The following DNAH7 variants were observed in gnomAD, a reference collection of about 807,000 sequenced individuals.
DNAH7 encodes axonemal beta dynein heavy chain 7.
A neutral mutation model predicts 444.6 loss-of-function variants in DNAH7; 397 were observed. The ratio of observed to expected loss-of-function variants is 0.89; its 90% CI spans 0.82 to 0.97. The LOEUF is 0.97. DNAH7 is among the 50% of genes least tolerant of loss of function. The pLI, the probability that DNAH7 is intolerant of heterozygous loss-of-function variation, is 0.00. For synonymous variants in DNAH7, 1,636 were observed against 1,624.4 expected (o/e 1.01, Z -0.17); for missense variants, 4,902 against 4,800.8 (o/e 1.02, Z -0.62).
In DNAH7 at chr2:195,807,134, A is replaced by G. The variant is rs902871298; in HGVS notation, c.10084-302T>C. Among the ~76,000 whole-genome samples the G allele has an allele frequency of 1.1e-4, 17 of 151,952 alleles. No homozygotes were observed. In the East Asian group the frequency reaches 3.3e-3, roughly 29 times the overall value. ...GTGCATATGCTACTATTTTCCCTTT[A>G]TTCCTCCAAACACAGGCATTCTTTT... On this transcript the variant is annotated intron_variant, in intron 53 of 64. Transcript: ENST00000312428.
At chr2:195,974,478 T>G (rs1692051384) in intron 15 of DNAH7, among the ~76,000 whole-genome samples, 1 of 152,150 alleles carries the variant, frequency 6.6e-6, no homozygotes, top group African/African-American at 2.4e-5. Context: ...ATTTGCTAAT[T>G]CTGTCAAAGG....
intron 24 of DNAH7, among the ~76,000 whole-genome samples, 167 bp from the exon 25 acceptor site, chr2:195,910,362 T>C (rs1348778416): frequency 6.6e-6 from 1 of 152,204 alleles, no homozygotes; most frequent in Non-Finnish European, 1.5e-5. Context: ...CATTACTTTG[T>C]CTGTTATTAT....
Position 196,019,127 on chromosome 2 carries a change from C to T in DNAH7, c.869+43G>A, listed in dbSNP as rs142619352. On this transcript the variant is annotated intron_variant, in intron 9 of 64. Coordinates refer to ENST00000312428, the MANE Select transcript of DNAH7 (RefSeq NM_018897.3). Reference sequence around the variant, plus strand: ...TAATTAAGATATAGTAAAACAACTTCCCTCTATATTTTAAAAACCTCTATA... The same window carrying T: ...TAATTAAGATATAGTAAAACAACTTTCCTCTATATTTTAAAAACCTCTATA... 6.8e-3 allele frequency: 9,410 copies of T among 1,380,590 alleles called. 41 individuals are homozygous for T. The highest frequency in any genetic ancestry group is 7.9e-3 in the Non-Finnish European group (8,321 of 1,054,570). 85.5% of individuals were successfully genotyped at this position (1,380,590 alleles called of 1,614,324 possible). A position where few individuals can be genotyped will look rare whatever the true frequency, so the allele number is the denominator to read the frequency against.
At chr2:195,759,631 A>G (rs992788477) in intron 61 of DNAH7, among the ~76,000 whole-genome samples, 4 of 152,014 alleles carry the variant, frequency 2.6e-5, no homozygotes, top group Admixed American at 6.6e-5. Context: ...CCTGGATGGC[A>G]TTTCTGGAAA....
intron 46 of DNAH7, among the ~76,000 whole-genome samples, chr2:195,849,103 T>G (rs1415125647): frequency 6.6e-6 from 1 of 152,226 alleles, no homozygotes; most frequent in Non-Finnish European, 1.5e-5. Context: ...TCAGCATAGA[T>G]TCATCTTTTT....
intron 8 of DNAH7, 33 bp from the exon 9 acceptor site, chr2:196,019,328 C>CA: frequency 4.9e-6 from 7 of 1,427,496 alleles, no homozygotes; most frequent in East Asian, 4.9e-5. Flanking sequence ...GTTACAGTCT[C>CA]AAAAAAAGTA....
At chr2:195,796,277 G>A (rs1696133851) in intron 56 of DNAH7, among the ~76,000 whole-genome samples, 1 of 152,170 alleles carries the variant, frequency 6.6e-6, no homozygotes, top group South Asian at 2.1e-4. Flanking sequence ...GTAAGTTGAT[G>A]TATATCTACC....
rs200568826 is a variant in DNAH7, at chr2:195,858,670, T to C, written c.7871A>G (p.Asp2624Gly). Residue 2624 changes from aspartate to glycine, a missense_variant, in exon 43 of 65, where the codon GAT becomes GGT. Asp to Gly is a moderately conservative substitution (Grantham distance 94). Coordinates refer to ENST00000312428, the MANE Select transcript of DNAH7 (RefSeq NM_018897.3). ...TTTCTCAATCATTATCATCATTTCA[T>C]CAACCTCTTTGCTAGCAACTTTTAA... ...PQLKVASKEV[D>G]EMMIMIEKES... The C allele has an allele frequency of 8.1e-6, 13 of 1,614,102 alleles. No individual in the cohort carries two copies. Among genetic ancestry groups the C allele is most frequent in the Non-Finnish European group, 1.1e-5 (13 of 1,179,960 alleles).
chr2:195,922,384 A>T (rs1574778584), intron 23 of DNAH7, among the ~76,000 whole-genome samples, 187 bp from the exon 24 acceptor site: 1 of 152,110 alleles, frequency 6.6e-6, no homozygotes, highest in African/African-American at 2.4e-5. Flanking sequence ...ACTGGCTTTA[A>T]TTTTTCCCAT....
chr2:195,756,366 C>G (rs944882735), intron 61 of DNAH7, 81 bp from the exon 62 acceptor site: 5 of 1,196,782 alleles, frequency 4.2e-6, no homozygotes, highest in Non-Finnish European at 5.6e-6. Context: ...ATACCTCCTT[C>G]ATGATTATCC....
intron 15 of DNAH7, among the ~76,000 whole-genome samples, chr2:195,973,683 G>A (rs985596141): frequency 1.3e-5 from 2 of 152,096 alleles, no homozygotes; most frequent in Non-Finnish European, 2.9e-5. Flanking sequence ...CGTTGGACAG[G>A]CTGATCTCGA....
At chr2:195,802,736 C>T (rs956059645) in intron 54 of DNAH7, among the ~76,000 whole-genome samples, 18 of 151,832 alleles carry the variant, frequency 1.2e-4, no homozygotes, top group African/African-American at 4.3e-4. Context: ...TTATAGGGTG[C>T]AAGTGCAATT....
chr2:195,794,357 A>C lies in DNAH7; in HGVS notation c.10697T>G (p.Phe3566Cys), dbSNP rs111705343. The change falls in exon 57 of 65, where the codon TTT (phenylalanine) becomes TGT (cysteine). Residue 3566 changes from phenylalanine to cysteine, a missense_variant. By Grantham distance (205) the Phe-to-Cys change is radical. Coordinates refer to ENST00000312428, the MANE Select transcript of DNAH7 (RefSeq NM_018897.3). ...ACTAACAGGCTTTTTGCAGCTGCCA[A>C]AGAACTCCGGATCAGAGATCGGGTC... ...LMDPISDPEFFGSCKKPEEFK... is the reference protein window; with the variant it reads ...LMDPISDPEFCGSCKKPEEFK... The C allele has an allele frequency of 1.2e-6, 2 of 1,614,160 alleles. No homozygotes were observed. Among genetic ancestry groups the C allele is most frequent in the Non-Finnish European group, 1.7e-6 (2 of 1,180,016 alleles).
chr2:195,983,825 T>C (rs987904240), intron 15 of DNAH7, among the ~76,000 whole-genome samples: 1 of 152,144 alleles, frequency 6.6e-6, no homozygotes, highest in Admixed American at 6.5e-5. Flanking sequence ...AAAAATAAAA[T>C]GTCACTTAAG....
rs753359636 is a variant in DNAH7, at chr2:195,988,169, G to A, written c.1414C>T (p.His472Tyr). Reference sequence around the variant, plus strand: ...ATAACTTCCTTGATCTTTTCTTTGTGAGCATCTACAATTTCATTCAGAATT... The same window carrying A: ...ATAACTTCCTTGATCTTTTCTTTGTAAGCATCTACAATTTCATTCAGAATT... ...PIILNEIVDA[H>Y]KEKIKEVIMK... The change falls in exon 13 of 65, where the codon CAC becomes TAC. Residue 472 changes from histidine to tyrosine, a missense_variant. His to Tyr is a moderately conservative substitution (Grantham distance 83). Transcript: ENST00000312428. The A allele has an allele frequency of 5.0e-6, 8 of 1,613,238 alleles. No individual in the cohort carries two copies. In the Admixed American group the frequency reaches 1.2e-4, roughly 24 times the overall value.
Position 195,892,657 on chromosome 2 carries a change from C to G in DNAH7, c.4897-853G>C, listed in dbSNP as rs571637620. 6 of 152,036 alleles carry G rather than the reference C, an allele frequency of 3.9e-5. No individual in the cohort carries two copies. In the South Asian group the frequency reaches 1.2e-3, roughly 32 times the overall value. 9.4% of individuals were successfully genotyped at this position (152,036 alleles called of 1,614,324 possible). A position where few individuals can be genotyped will look rare whatever the true frequency, so the allele number is the denominator to read the frequency against. Reference sequence around the variant, plus strand: ...CTGATGAATTCATATTAATGCATTACTATTAACTAAAGTCTATAGTTTACA... The same window carrying G: ...CTGATGAATTCATATTAATGCATTAGTATTAACTAAAGTCTATAGTTTACA... On this transcript the variant is annotated intron_variant, in intron 30 of 64. Coordinates refer to ENST00000312428, the MANE Select transcript of DNAH7 (RefSeq NM_018897.3).
Position 195,771,791 on chromosome 2 carries a change from C to G in DNAH7, c.11302G>C (p.Ala3768Pro). The change falls in exon 61 of 65, where the codon GCT (alanine) becomes CCT (proline). Residue 3768 changes from alanine to proline, a missense_variant. Physicochemically the swap from Ala to Pro is conservative, Grantham distance 27. Transcript: ENST00000312428. ...GKLPNNFDIE[A>P]AMRRYPTTYT... ...GTTGTTGGGTACCTCCTCATGGCAGCCTCGATGTCGAAGTTGTTTGGAAGT... is the reference window on the plus strand; with the variant it reads ...GTTGTTGGGTACCTCCTCATGGCAGGCTCGATGTCGAAGTTGTTTGGAAGT... The G allele has an allele frequency of 6.2e-7, 1 of 1,614,122 alleles. No individual in the cohort carries two copies.
chr2:195,841,157 C>A (rs900147683), intron 47 of DNAH7, among the ~76,000 whole-genome samples: 3 of 151,886 alleles, frequency 2.0e-5, no homozygotes, highest in East Asian at 1.9e-4. Context: ...TAAAGGCAAT[C>A]CGATTTTAAA....
intron 25 of DNAH7, among the ~76,000 whole-genome samples, chr2:195,909,122 C>T (rs138576672): frequency 6.6e-6 from 1 of 152,110 alleles, no homozygotes; most frequent in African/African-American, 2.4e-5. Context: ...GAAAAACTAC[C>T]TATTGGCTAT....
Sources: gnomAD v4.1 joint callset for allele counts (sites outside exome capture counted in the v4.1 genomes callset) on GRCh38, gnomAD v4.1.1 for gene constraint, MANE v1.5 for transcripts, NCBI Gene and HGNC (gene_info 2026-07-23, HGNC 2026-07-21) for gene names.